IQCH: variants seen among roughly 807,000 people sequenced by gnomAD.
IQCH encodes IQ domain-containing protein H.
In IQCH, 98 loss-of-function variants were observed where a neutral mutation model predicts 117.0. That is an observed-to-expected ratio of 0.84 (90% CI 0.71 to 0.99). The LOEUF is 0.99. Ranked by LOEUF, IQCH falls within the 50% of genes least tolerant of loss-of-function variation. The pLI is 0.00. For missense variants in IQCH, 1,102 were observed against 1,243.8 expected, an observed-to-expected ratio of 0.89 and a Z score of 1.72; for synonymous variants, 412 against 448.2, an observed-to-expected ratio of 0.92 and a Z score of 1.02.
intron 7 of IQCH, among the ~76,000 whole-genome samples, chr15:67,357,971 G>A (rs111469801): frequency 2.0e-5 from 3 of 151,764 alleles, no homozygotes; most frequent in African/African-American, 7.2e-5. Flanking sequence ...CGATTCTCAC[G>A]TCTCAGCCTC....
chr15:67,273,093 C>A (rs969931945), intron 3 of IQCH, among the ~76,000 whole-genome samples: 1 of 151,828 alleles, frequency 6.6e-6, no homozygotes, highest in African/African-American at 2.4e-5. Context: ...TTTTTGGAGA[C>A]AGGGTCTCTC....
In IQCH at chr15:67,498,531, A is replaced by G. The variant is rs933524812; in HGVS notation, c.2971-2102A>G. On this transcript the variant is annotated intron_variant, in intron 20 of 20. Transcript: ENST00000335894. ...CTCAGGAGGCTGAGGCAGGAGAATCACTTGAACTCAGGAGGCAAAGGTTGC... is the reference window on the plus strand; with the variant it reads ...CTCAGGAGGCTGAGGCAGGAGAATCGCTTGAACTCAGGAGGCAAAGGTTGC... 9.2e-5 allele frequency among the ~76,000 whole-genome samples: 14 copies of G among 151,710 alleles called. 1 individual carries two copies. Among genetic ancestry groups the G allele is most frequent in the African/African-American group, 1.7e-4 (7 of 41,338 alleles).
intron 15 of IQCH, among the ~76,000 whole-genome samples, chr15:67,418,513 C>CCACACACA (rs368875296): frequency 0.2 from 22,734 of 113,808 alleles, 2,589 homozygotes; most frequent in Non-Finnish European, 0.23. Flanking sequence ...CAAGTGGCTA[C>CCACACACA]CACACACACA....
At chr15:67,452,525 T>C (rs919522143) in intron 16 of IQCH, among the ~76,000 whole-genome samples, 1 of 152,254 alleles carries the variant, frequency 6.6e-6, no homozygotes, top group African/African-American at 2.4e-5. Context: ...TTGAAAATTC[T>C]TTTCTTTAAG....
rs1041261821 is a variant in IQCH at position 67,395,042 on chromosome 15, G to A, written c.1633-249G>A. On this transcript the variant is annotated intron_variant, in intron 12 of 20. Coordinates refer to ENST00000335894, the MANE Select transcript of IQCH (RefSeq NM_001031715.3). This position sits in a 1 kb window ranked among gnomAD's most constrained non-coding sequence, Gnocchi z 4.0. ...TCTGACAGAAGGATAATTCCACGTG[G>A]ATCAAATAAATACAGACGTGTAGTA... is the stretch of plus-strand genomic sequence containing the variant. Among the ~76,000 whole-genome samples the A allele has an allele frequency of 3.9e-5, 6 of 152,046 alleles. No homozygotes were observed. In the South Asian group the frequency reaches 6.2e-4, roughly 16 times the overall value.
chr15:67,267,739 T>C (rs965356851), intron 3 of IQCH, among the ~76,000 whole-genome samples: 1 of 152,208 alleles, frequency 6.6e-6, no homozygotes, highest in Non-Finnish European at 1.5e-5. Flanking sequence ...ACAGTTCCTA[T>C]GAGTAACTGA....
intron 5 of IQCH, among the ~76,000 whole-genome samples, chr15:67,340,422 ATC>A: frequency 9.8e-6 from 1 of 102,274 alleles, no homozygotes. Flanking sequence ...GAGATACTCC[ATC>A]TCAAAAAAAA....
At position 67,386,568 on chromosome 15, in the gene IQCH, T is replaced by C. The variant is rs1460907185; in HGVS notation, c.1456+1549T>C. On this transcript the variant is annotated intron_variant, in intron 11 of 20. Coordinates refer to ENST00000335894, the MANE Select transcript of IQCH (RefSeq NM_001031715.3). This position sits in a 1 kb window ranked among gnomAD's most constrained non-coding sequence, Gnocchi z 5.0. ...AAAATAGAAAAATAAGTAATAATTTTATGGAAGAATACATTATTATCCCCT... is the reference window on the plus strand; with the variant it reads ...AAAATAGAAAAATAAGTAATAATTTCATGGAAGAATACATTATTATCCCCT... Among the ~76,000 whole-genome samples the C allele has an allele frequency of 6.6e-6, 1 of 152,198 alleles. No homozygotes were observed. The highest frequency in any genetic ancestry group is 2.4e-5 in the African/African-American group (1 of 41,456).
intron 15 of IQCH, 194 bp from the exon 16 acceptor site, chr15:67,421,097 T>C: frequency 1.7e-6 from 1 of 597,292 alleles, no homozygotes; most frequent in Non-Finnish European, 3.0e-6. Context: ...TATAGATAGA[T>C]ACAGTATCTC....
In IQCH at chr15:67,456,309, A is replaced by C. The variant is rs1291581345; in HGVS notation, c.2506-8818A>C. On this transcript the variant is annotated intron_variant, in intron 16 of 20. Coordinates refer to ENST00000335894, the MANE Select transcript of IQCH (RefSeq NM_001031715.3). This position sits in a 1 kb window ranked among gnomAD's most constrained non-coding sequence, Gnocchi z 5.1. ...ACAGAGAAACTTGGCACTCTGAAGA[A>C]ATTGATCTACTAATGCTGGCAATGA... Among the ~76,000 whole-genome samples the C allele has an allele frequency of 1.3e-5, 2 of 152,230 alleles. No homozygotes were observed. The highest frequency in any genetic ancestry group is 6.5e-5 in the Admixed American group (1 of 15,290).
intron 4 of IQCH, among the ~76,000 whole-genome samples, chr15:67,332,033 C>T (rs1418176542): frequency 1.3e-5 from 2 of 152,076 alleles, no homozygotes; most frequent in African/African-American, 4.8e-5. Flanking sequence ...TAAAAGGAAC[C>T]AAGTACCACA....
In IQCH at chr15:67,426,311, A is replaced by C. The variant is rs1567178417; in HGVS notation, c.2505+4734A>C. Among the ~76,000 whole-genome samples, 1 of 152,198 alleles carries C rather than the reference A, an allele frequency of 6.6e-6. No homozygotes were observed. The highest frequency in any genetic ancestry group is 1.5e-5 in the Non-Finnish European group (1 of 68,030). On this transcript the variant is annotated intron_variant, in intron 16 of 20. Transcript: ENST00000335894. The surrounding 1 kb of genome is among the most constrained non-coding windows in gnomAD (Gnocchi z 5.1). Reference sequence around the variant, plus strand: ...TACATACATCTGTGCATCTATAACTATTTCTATATCTATCAAGTGTTTATA... The same window carrying C: ...TACATACATCTGTGCATCTATAACTCTTTCTATATCTATCAAGTGTTTATA...
Position 67,421,467 on chromosome 15 carries a change from C to G in IQCH, c.2395C>G (p.Leu799Val). The G allele has an allele frequency of 6.2e-7, 1 of 1,614,188 alleles. No individual in the cohort carries two copies. Among genetic ancestry groups the G allele is most frequent in the Non-Finnish European group, 8.5e-7 (1 of 1,180,022 alleles). ...TCAGACCTCAGTGGATCCCCAAGTT[C>G]TCACTTATTTGTGCCTCCAAATTGG... ...VPQTSVDPQV[L>V]TYLCLQIGKA... The change falls in exon 16 of 21, where the codon CTC becomes GTC. Residue 799 changes from leucine to valine, a missense_variant. Transcript: ENST00000335894.
At chr15:67,464,404 C>T (rs937437297) in intron 16 of IQCH, among the ~76,000 whole-genome samples, 1 of 152,186 alleles carries the variant, frequency 6.6e-6, no homozygotes, top group African/African-American at 2.4e-5. Flanking sequence ...ACTCAGTTAC[C>T]TAGCAGTTGA....
chr15:67,266,020 G>A (rs930476146), intron 3 of IQCH, among the ~76,000 whole-genome samples: 1 of 152,102 alleles, frequency 6.6e-6, no homozygotes, highest in African/African-American at 2.4e-5. Flanking sequence ...GGGTCAAAGA[G>A]GAGACTTAAC....
intron 3 of IQCH, among the ~76,000 whole-genome samples, chr15:67,265,522 G>A (rs574147864): frequency 6.6e-6 from 1 of 152,202 alleles, no homozygotes; most frequent in South Asian, 2.1e-4. Flanking sequence ...GGCTAAAGTG[G>A]CATGCCATCA....
chr15:67,455,078 T>C (rs2082628959), intron 16 of IQCH, among the ~76,000 whole-genome samples: 1 of 152,232 alleles, frequency 6.6e-6, no homozygotes, highest in Admixed American at 6.5e-5. Context: ...TTATTGGTTT[T>C]TTATTTCAAC....
chr15:67,330,755 T>C (rs1968631442), intron 4 of IQCH, among the ~76,000 whole-genome samples: 1 of 152,254 alleles, frequency 6.6e-6, no homozygotes, highest in African/African-American at 2.4e-5. Context: ...ATGCTTTGGC[T>C]ATTTTTCCTT....
At chr15:67,324,941 G>A (rs1264144137) in intron 4 of IQCH, among the ~76,000 whole-genome samples, 4 of 151,950 alleles carry the variant, frequency 2.6e-5, no homozygotes, top group African/African-American at 9.7e-5. Context: ...TCTAGGATCT[G>A]TAAGCTTCTG....
Sources: gnomAD v4.1 joint callset for allele counts (sites outside exome capture counted in the v4.1 genomes callset) on GRCh38, gnomAD v4.1.1 for gene constraint, Gnocchi (gnomAD v3.1) non-coding constraint, MANE v1.5 for transcripts, NCBI Gene and HGNC (gene_info 2026-07-23, HGNC 2026-07-21) for gene names.